Variants in SGIP1 observed in about 807,000 individuals in gnomAD.
The protein encoded by SGIP1 is SH3GL interacting endocytic adaptor 1, also known as SH3-containing GRB2-like protein 3-interacting protein 1.
SGIP1 carries 38 observed loss-of-function variants against 107.5 expected under a neutral mutation model. That is an observed-to-expected ratio of 0.35 (90% CI 0.27 to 0.46). SGIP1 has a LOEUF of 0.46. Among genes scored for constraint, SGIP1 ranks in the 20% least tolerant of loss-of-function variants. The probability of loss-of-function intolerance (pLI) is 1.00; values close to 1 mark genes in which losing one functional copy is unlikely to be tolerated. For missense variants in SGIP1, 929 were observed against 1,019.5 expected, an observed-to-expected ratio of 0.91 and a Z score of 1.21; for synonymous variants, 365 against 366.1, an observed-to-expected ratio of 1.00 and a Z score of 0.03.
intron 1 of SGIP1, among the ~76,000 whole-genome samples, chr1:66,556,784 T>C (rs1423433806): frequency 6.6e-6 from 1 of 152,084 alleles, no homozygotes; most frequent in Admixed American, 6.6e-5. Flanking sequence ...TGATCTGTAA[T>C]ACAAAATATC....
intron 19 of SGIP1, among the ~76,000 whole-genome samples, chr1:66,727,468 CAGTT>C (rs113535162): frequency 2.2e-4 from 33 of 152,198 alleles, no homozygotes; most frequent in East Asian, 7.7e-4. Flanking sequence ...CTTTAGAAAA[CAGTT>C]AGGCAGTTTC....
At chr1:66,698,162 C>T (rs2091282244) in intron 18 of SGIP1, among the ~76,000 whole-genome samples, 1 of 152,124 alleles carries the variant, frequency 6.6e-6, no homozygotes, top group South Asian at 2.1e-4. Flanking sequence ...AACTAAGTGG[C>T]GTATGACTTT....
intron 1 of SGIP1, among the ~76,000 whole-genome samples, chr1:66,556,741 T>C (rs1358887775): frequency 6.6e-6 from 1 of 151,818 alleles, no homozygotes; most frequent in African/African-American, 2.4e-5. Context: ...GAAAGTATTC[T>C]TTAAAGGGTG....
intron 8 of SGIP1, among the ~76,000 whole-genome samples, chr1:66,661,113 C>A (rs556093757): frequency 6.6e-6 from 1 of 152,288 alleles, no homozygotes; most frequent in East Asian, 1.9e-4. Context: ...TTAGTGGCAA[C>A]ACAAGTCTGA....
chr1:66,598,331 T>G (rs1044625385), intron 1 of SGIP1, among the ~76,000 whole-genome samples: 1 of 152,216 alleles, frequency 6.6e-6, no homozygotes, highest in African/African-American at 2.4e-5. Context: ...CCTACTGTGT[T>G]AGAGCCACAG....
At chr1:66,536,334 T>A (rs551324881) in intron 1 of SGIP1, among the ~76,000 whole-genome samples, 2 of 152,362 alleles carry the variant, frequency 1.3e-5, no homozygotes, top group South Asian at 4.1e-4. Context: ...CTTAAATAGC[T>A]AAATGAAATT....
intron 21 of SGIP1, 53 bp downstream of exon 21, chr1:66,733,933 A>G: frequency 6.4e-7 from 1 of 1,566,098 alleles, no homozygotes; most frequent in Non-Finnish European, 8.7e-7. Flanking sequence ...TTTGTTTTCT[A>G]AAGTACCTAC....
intron 2 of SGIP1, among the ~76,000 whole-genome samples, chr1:66,627,190 G>A (rs2149328328): frequency 6.6e-6 from 1 of 152,224 alleles, no homozygotes; most frequent in Admixed American, 6.6e-5. Context: ...CAACTAAGAT[G>A]GGATTTCATG....
chr1:66,744,543 TAA>T lies in SGIP1; in HGVS notation c.*1449_*1450del, dbSNP rs1414085678. On this transcript the variant is annotated 3_prime_UTR_variant, in exon 25 of 25. Transcript: ENST00000371037. ...TATGCTATTAAATAGCTGTAATTAT[TAA>T]GTTATTATTTTTATAATTAGTTGTT... 6.6e-5 allele frequency: 10 copies of T among 152,244 alleles called. No individual in the cohort carries two copies. The highest frequency in any genetic ancestry group is 5.2e-4 in the Admixed American group (8 of 15,304). 9.4% of individuals were successfully genotyped at this position (152,244 alleles called of 1,614,324 possible).
intron 2 of SGIP1, among the ~76,000 whole-genome samples, chr1:66,630,822 A>G (rs528164986): frequency 1.9e-4 from 1 of 5,290 alleles, no homozygotes; most frequent in Non-Finnish European, 2.9e-4. Flanking sequence ...AAAGAAAGAA[A>G]GAAAGAAAGA....
At chr1:66,636,676 A>G (rs2075840556) in intron 4 of SGIP1, among the ~76,000 whole-genome samples, 1 of 152,204 alleles carries the variant, frequency 6.6e-6, no homozygotes, top group African/African-American at 2.4e-5. Flanking sequence ...GCTGTTCTAT[A>G]GAATTATTTA....
chr1:66,639,276 G>A (rs191004661), intron 4 of SGIP1, among the ~76,000 whole-genome samples: 38 of 152,274 alleles, frequency 2.5e-4, no homozygotes, highest in Non-Finnish European at 4.4e-5. Flanking sequence ...GACTTACTCT[G>A]TGTTTTATCA....
At chr1:66,588,700 G>A (rs12074963) in intron 1 of SGIP1, among the ~76,000 whole-genome samples, 26,613 of 131,796 alleles carry the variant, frequency 0.2, 2,944 homozygotes, top group African/African-American at 0.33. Context: ...GATCTACAAA[G>A]CTCTAAGTGC....
chr1:66,621,251 T>C (rs893782455), intron 1 of SGIP1, among the ~76,000 whole-genome samples: 1 of 152,232 alleles, frequency 6.6e-6, no homozygotes, highest in Admixed American at 6.5e-5. Flanking sequence ...TGTGACCGTA[T>C]TGATGTCTTT....
At position 66,729,478 on chromosome 1, in the gene SGIP1, A is replaced by C; in HGVS notation, c.1898+59A>C. On this transcript the variant is annotated intron_variant, in intron 20 of 24. Coordinates refer to ENST00000371037, the MANE Select transcript of SGIP1 (RefSeq NM_032291.4). Reference sequence around the variant, plus strand: ...ACATGTGGCTTAGTACTTTGTACTTAGATGAGGGATATATCTTAGCAACAG... The same window carrying C: ...ACATGTGGCTTAGTACTTTGTACTTCGATGAGGGATATATCTTAGCAACAG... 10 of 1,596,342 alleles carry C rather than the reference A, an allele frequency of 6.3e-6. 1 individual carries two copies. The South Asian group carries it at 7.8e-5, about 12-fold the overall frequency.
chr1:66,733,127 T>C (rs535648395), intron 20 of SGIP1, among the ~76,000 whole-genome samples: 141 of 152,332 alleles, frequency 9.3e-4, no homozygotes, highest in African/African-American at 3.3e-3. Context: ...GCTCTTCTTC[T>C]GTATTATAAC....
At chr1:66,631,709 CTCT>C (rs1558140071) in intron 2 of SGIP1, among the ~76,000 whole-genome samples, 15 of 72,868 alleles carry the variant, frequency 2.1e-4, no homozygotes, top group Non-Finnish European at 2.5e-5. Context: ...CTCTCTCTCT[CTCT>C]CTCTCTCTCT....
chr1:66,557,535 A>G (rs1201531577), intron 1 of SGIP1, among the ~76,000 whole-genome samples: 2 of 152,262 alleles, frequency 1.3e-5, no homozygotes, highest in East Asian at 3.9e-4. Context: ...TCTCTTAGAC[A>G]GAACATACAA....
chr1:66,682,214 C>G lies in SGIP1; in HGVS notation c.1160C>G (p.Thr387Ser), dbSNP rs202142149. 1 of 1,614,216 alleles carries G rather than the reference C, an allele frequency of 6.2e-7. No homozygotes were observed. The highest frequency in any genetic ancestry group is 8.5e-7 in the Non-Finnish European group (1 of 1,180,038). ...EEVQKKVAEQ[T>S]FIKDDYLETI... ...GTCCAGAAGAAAGTCGCTGAGCAGA[C>G]CTTCATTAAAGATGATTACTTAGAA... Residue 387 changes from threonine (T) to serine (S), a missense_variant, in exon 15 of 25, where the codon ACC becomes AGC. Coordinates refer to ENST00000371037, the MANE Select transcript of SGIP1 (RefSeq NM_032291.4).
Sources: allele counts gnomAD v4.1 joint callset (sites outside exome capture counted in the v4.1 genomes callset), GRCh38; gene constraint gnomAD v4.1.1; transcripts MANE v1.5; gene names NCBI Gene and HGNC (gene_info 2026-07-23, HGNC 2026-07-21).